The following THSD7A variants were observed in gnomAD, a reference collection of about 807,000 sequenced individuals.
THSD7A encodes the protein thrombospondin type 1 domain containing 7A, also known as thrombospondin type-1 domain-containing protein 7A.
A neutral mutation model predicts 231.3 loss-of-function variants in THSD7A; 96 were observed. The ratio of observed to expected loss-of-function variants is 0.41; its 90% CI spans 0.35 to 0.49. The LOEUF is 0.49. THSD7A is among the 20% of genes least tolerant of loss of function. The pLI is 0.05. For missense variants in THSD7A, 2,290 were observed against 2,070.2 expected (o/e 1.11, Z -2.06); for synonymous variants, 940 against 743.3 (o/e 1.26, Z -4.30).
intron 1 of THSD7A, among the ~76,000 whole-genome samples, chr7:11,682,603 T>C (rs1193292214): frequency 6.6e-6 from 1 of 152,088 alleles, no homozygotes; most frequent in Non-Finnish European, 1.5e-5. Context: ...TTCAATTTTA[T>C]AAAATGATTA....
intron 1 of THSD7A, among the ~76,000 whole-genome samples, chr7:11,658,453 A>T (rs371441605): frequency 2.6e-5 from 4 of 151,448 alleles, no homozygotes; most frequent in Non-Finnish European, 4.4e-5. Context: ...TTTCACTCAG[A>T]TGGTGTTAAT....
At chr7:11,449,685 G>A (rs892358608) in intron 11 of THSD7A, among the ~76,000 whole-genome samples, 4 of 152,000 alleles carry the variant, frequency 2.6e-5, no homozygotes, top group South Asian at 4.2e-4. Flanking sequence ...AGAAATCCTC[G>A]AGATGCAGGC....
rs571243345 is a variant in THSD7A at position 11,436,579 on chromosome 7, C to T, written c.3065-7454G>A. ...TGACTGACTTTTTCACATAGCATTT[C>T]ACTGGACTAGAGAAATAGATCTAAA... is the stretch of plus-strand genomic sequence containing the variant. On this transcript the variant is annotated intron_variant, in intron 13 of 27. Transcript: ENST00000423059. Among the ~76,000 whole-genome samples, 27 of 152,058 alleles carry T rather than the reference C, an allele frequency of 1.8e-4. No homozygotes were observed. The South Asian group carries it at 5.6e-3, about 32-fold the overall frequency.
In THSD7A at chr7:11,370,652, C is replaced by A. The variant is rs762604158; in HGVS notation, c.*5142G>T. The A allele has an allele frequency of 6.6e-6, 1 of 152,018 alleles. No homozygotes were observed. The highest frequency in any genetic ancestry group is 1.5e-5 in the Non-Finnish European group (1 of 67,998). The allele number at this position is 152,018 out of a possible 1,614,324, so 9.4% of individuals were successfully genotyped here. A position where few individuals can be genotyped will look rare whatever the true frequency, so the allele number is the denominator to read the frequency against. ...ACATAATGTAAAATAAATTACATTA[C>A]GCAATTTACAAAGTAATATTAACAA... On this transcript the variant is annotated 3_prime_UTR_variant, in exon 28 of 28. Transcript: ENST00000423059.
intron 1 of THSD7A, among the ~76,000 whole-genome samples, chr7:11,670,163 G>A (rs1269420543): frequency 6.6e-6 from 1 of 152,130 alleles, no homozygotes; most frequent in Non-Finnish European, 1.5e-5. Flanking sequence ...ACATATGGCT[G>A]AATAGTTCAA....
rs182965168 is a variant in THSD7A at position 11,637,728 on chromosome 7, A to G, written c.191-767T>C. On this transcript the variant is annotated intron_variant, in intron 1 of 27. Transcript: ENST00000423059. This position sits in a 1 kb window ranked among gnomAD's most constrained non-coding sequence, Gnocchi z 4.2. ...ATTTCTTAAACATGAACTATTTGGT[A>G]TTACAGAGCTGTTTGATGTGATACT... Among the ~76,000 whole-genome samples the G allele has an allele frequency of 2.6e-5, 4 of 152,292 alleles. No homozygotes were observed. Among genetic ancestry groups the G allele is most frequent in the Admixed American group, 2.6e-4 (4 of 15,298 alleles).
intron 1 of THSD7A, among the ~76,000 whole-genome samples, chr7:11,751,757 A>T (rs1193062976): frequency 1.4e-5 from 2 of 144,518 alleles, no homozygotes; most frequent in East Asian, 2.0e-4. Flanking sequence ...TGCACCGTTT[A>T]AAAAAAAAAA....
At chr7:11,765,216 A>G (rs184953478) in intron 1 of THSD7A, among the ~76,000 whole-genome samples, 1 of 152,344 alleles carries the variant, frequency 6.6e-6, no homozygotes, top group Admixed American at 6.5e-5. Flanking sequence ...ATAAAGGAGA[A>G]AAATAAACTT....
At chr7:11,480,363 AGTAGTCACACAGCAAGT>A (rs1466634508) in intron 7 of THSD7A, among the ~76,000 whole-genome samples, 1 of 152,160 alleles carries the variant, frequency 6.6e-6, no homozygotes, top group East Asian at 1.9e-4. Context: ...GTCATTCATT[AGTAGTCACACAGCAAGT>A]GTCTGCAGAG....
intron 23 of THSD7A, chr7:11,384,814 G>A (rs930527523): frequency 3.3e-5 from 5 of 151,818 alleles, no homozygotes; most frequent in Non-Finnish European, 5.9e-5. Flanking sequence ...AACATTCTGG[G>A]ATCTTCTTGG....
At chr7:11,665,871 A>G (rs553058087) in intron 1 of THSD7A, among the ~76,000 whole-genome samples, 2 of 152,270 alleles carry the variant, frequency 1.3e-5, no homozygotes, top group East Asian at 3.9e-4. Flanking sequence ...GACACAAATT[A>G]CAAGTTTTTA....
intron 1 of THSD7A, among the ~76,000 whole-genome samples, chr7:11,643,698 C>T (rs963795031): frequency 5.9e-5 from 9 of 151,712 alleles, no homozygotes; most frequent in African/African-American, 1.2e-4. Context: ...ACTATGTTTG[C>T]GTAGTGCTTT....
chr7:11,518,328 G>C (rs10486139), intron 6 of THSD7A, among the ~76,000 whole-genome samples: 1 of 152,098 alleles, frequency 6.6e-6, no homozygotes, highest in Non-Finnish European at 1.5e-5. Flanking sequence ...ACTAGGAAGC[G>C]TGAGAGACTG....
intron 1 of THSD7A, among the ~76,000 whole-genome samples, chr7:11,646,411 G>T (rs1053975098): frequency 2.6e-5 from 4 of 152,072 alleles, no homozygotes; most frequent in Admixed American, 2.0e-4. Context: ...TTGAAGACAT[G>T]ACAAGTCTTC....
intron 1 of THSD7A, among the ~76,000 whole-genome samples, chr7:11,658,340 C>T (rs1002170868): frequency 2.6e-5 from 4 of 151,628 alleles, no homozygotes; most frequent in East Asian, 1.9e-4. Context: ...GTGTCTATCA[C>T]GTGTATTTTA....
rs533397438 is a variant in THSD7A at position 11,484,026 on chromosome 7, G to A, written c.1823-2044C>T. 7.8e-4 allele frequency among the ~76,000 whole-genome samples: 117 copies of A among 149,940 alleles called. 1 individual carries two copies. The highest frequency in any genetic ancestry group is 2.4e-3 in the African/African-American group (96 of 40,624). On this transcript the variant is annotated intron_variant, in intron 6 of 27. Coordinates refer to ENST00000423059, the MANE Select transcript of THSD7A (RefSeq NM_015204.3). ...TCCGCACTCCCCCTGCCCCCCATCC[G>A]CCCAGTTTGTGTCCCATATCTTATT...
intron 9 of THSD7A, 31 bp from the exon 10 acceptor site, chr7:11,462,174 C>A: frequency 6.2e-7 from 1 of 1,609,940 alleles, no homozygotes; most frequent in East Asian, 2.2e-5. Flanking sequence ...AACCTCTGTA[C>A]TTTACACTGA....
chr7:11,379,615 T>C lies in THSD7A; in HGVS notation c.4590+15A>G. On this transcript the variant is annotated intron_variant, in intron 25 of 27. Transcript: ENST00000423059. ...GATGGAGCTGGCTTGTCTGCCCTGATGAATTTTCACATACCTCGCTACAGT... is the reference window on the plus strand; with the variant it reads ...GATGGAGCTGGCTTGTCTGCCCTGACGAATTTTCACATACCTCGCTACAGT... The C allele has an allele frequency of 1.9e-6, 3 of 1,569,354 alleles. No individual in the cohort carries two copies. Among genetic ancestry groups the C allele is most frequent in the Non-Finnish European group, 2.6e-6 (3 of 1,156,076 alleles).
chr7:11,586,786 T>C (rs1779928152), intron 4 of THSD7A, among the ~76,000 whole-genome samples: 1 of 152,122 alleles, frequency 6.6e-6, no homozygotes, highest in East Asian at 1.9e-4. Flanking sequence ...TACCTTTCCG[T>C]CTATCCATTC....
Sources: gnomAD v4.1 joint callset for allele counts (sites outside exome capture counted in the v4.1 genomes callset) on GRCh38, gnomAD v4.1.1 for gene constraint, Gnocchi (gnomAD v3.1) non-coding constraint, MANE v1.5 for transcripts, NCBI Gene and HGNC (gene_info 2026-07-23, HGNC 2026-07-21) for gene names.